The following PAXIP1 variants were observed in gnomAD, a reference collection of about 807,000 sequenced individuals.
PAXIP1 encodes the protein PAX-interacting protein 1.
In PAXIP1, 19 loss-of-function variants were observed where a neutral mutation model predicts 140.6. The ratio of observed to expected loss-of-function variants is 0.14; its 90% CI spans 0.09 to 0.20. PAXIP1 has a LOEUF of 0.20. Among genes scored for constraint, PAXIP1 ranks in the 10% least tolerant of loss-of-function variants. PAXIP1 has a pLI of 1.00. For synonymous variants in PAXIP1, 442 were observed against 444.6 expected (o/e 0.99, Z 0.07); for missense variants, 920 against 1,208.6 (o/e 0.76, Z 3.54).
rs374985483 is a variant in PAXIP1, at chr7:154,995,073, C to T, written c.217-1304G>A. Among the ~76,000 whole-genome samples, 14 of 152,340 alleles carry T rather than the reference C, an allele frequency of 9.2e-5. No individual in the cohort carries two copies. In the East Asian group the frequency reaches 1.9e-3, roughly 21 times the overall value. ...CAGCAACACCCAGAAACCCCTCTCT[C>T]CTCATGATGCCATGACTGAGCACTA... is the stretch of plus-strand genomic sequence containing the variant. On this transcript the variant is annotated intron_variant, in intron 2 of 20. Transcript: ENST00000404141.
rs757258748 is a variant in PAXIP1 at position 154,975,808 on chromosome 7, C to T, written c.962G>A (p.Ser321Asn). The T allele has an allele frequency of 5.1e-5, 82 of 1,613,858 alleles. No individual in the cohort carries two copies. Among genetic ancestry groups the T allele is most frequent in the Non-Finnish European group, 6.9e-5 (81 of 1,179,792 alleles). The change falls in exon 6 of 21, where the codon AGT becomes AAT. Residue 321 changes from serine to asparagine, a missense_variant. By Grantham distance (46) the Ser-to-Asn change is conservative. Transcript: ENST00000404141. ...AGCTATCATTTCTGATCTTTCAGAA[C>T]TTTGGAGGTTTTGTCCAGCAGCCAT... Reference protein sequence around the residue: ...NLMAAGQNLQSSERSEMIATW... With the variant: ...NLMAAGQNLQNSERSEMIATW...
chr7:154,948,623 C>T (rs960368353), intron 16 of PAXIP1: 1 of 150,936 alleles, frequency 6.6e-6, no homozygotes. Context: ...AAAATATGAA[C>T]CCTCTTCCCA....
At chr7:154,997,031 AGAAG>A (rs1172017899) in intron 2 of PAXIP1, among the ~76,000 whole-genome samples, 1 of 152,138 alleles carries the variant, frequency 6.6e-6, no homozygotes, top group Non-Finnish European at 1.5e-5. Flanking sequence ...TGTAGGAAGG[AGAAG>A]GAAGAGACAG....
In PAXIP1 at chr7:154,956,867, T is replaced by C. The variant is rs574706412; in HGVS notation, c.2549+357A>G. 3.8e-4 allele frequency: 67 copies of C among 178,588 alleles called. No homozygotes were observed. Among genetic ancestry groups the C allele is most frequent in the South Asian group, 3.2e-3 (23 of 7,296 alleles). The allele number at this position is 178,588 out of a possible 1,614,324, so 11.1% of individuals were successfully genotyped here. On this transcript the variant is annotated intron_variant, in intron 14 of 20. Transcript: ENST00000404141. The surrounding 1 kb of genome is among the most constrained non-coding windows in gnomAD (Gnocchi z 4.2). The stretch of plus-strand genomic sequence containing the variant: ...CGGCAGCCTACACGCTCTCTTGGCA[T>C]GTACAGCAGGTTCTTCAGCCGTGCC...
intron 4 of PAXIP1, among the ~76,000 whole-genome samples, chr7:154,985,763 T>C (rs1416871747): frequency 2.0e-5 from 3 of 152,242 alleles, no homozygotes; most frequent in African/African-American, 7.2e-5. Context: ...TCCTTGATTC[T>C]AGCTTACAGG....
At chr7:154,966,041 G>C (rs572662899) in intron 8 of PAXIP1, among the ~76,000 whole-genome samples, 1 of 152,122 alleles carries the variant, frequency 6.6e-6, no homozygotes, top group Non-Finnish European at 1.5e-5. Flanking sequence ...CAATCTCTGA[G>C]TCAAATGCCT....
Position 154,960,893 on chromosome 7 carries a change from C to A in PAXIP1, c.2434G>T (p.Asp812Tyr). The A allele has an allele frequency of 6.4e-7, 1 of 1,561,288 alleles. No homozygotes were observed. Among genetic ancestry groups the A allele is most frequent in the Non-Finnish European group, 8.7e-7 (1 of 1,155,080 alleles). The change falls in exon 12 of 21, where the codon GAT becomes TAT. Residue 812 changes from aspartate (D) to tyrosine (Y), a missense_variant and splice_region_variant. This residue lies in a region of PAXIP1 where 303 missense variants were observed against 517.9 expected (regional missense o/e 0.59). Coordinates refer to ENST00000404141, the MANE Select transcript of PAXIP1 (RefSeq NM_007349.4). ...TTGCAGCATGTAGAATTTCACTTACCTAAAAGATTTAAAACTAAATGCTGG... is the reference window on the plus strand; with the variant it reads ...TTGCAGCATGTAGAATTTCACTTACATAAAAGATTTAAAACTAAATGCTGG... Reference protein sequence around the residue: ...PTQHLVLNLLDAWRVPLKVSA... With the variant: ...PTQHLVLNLLYAWRVPLKVSA...
Position 154,976,461 on chromosome 7 carries a change from T to G in PAXIP1, c.439-130A>C, listed in dbSNP as rs189272818. The G allele has an allele frequency of 1.0e-4, 130 of 1,267,688 alleles. No individual in the cohort carries two copies. In the African/African-American group the frequency reaches 1.7e-3, roughly 17 times the overall value. 78.5% of individuals were successfully genotyped at this position (1,267,688 alleles called of 1,614,324 possible). ...TGTTGAGCAACTATTATTACAATTT[T>G]ATACAGAAGCAACGTTTGATCTTTT... On this transcript the variant is annotated intron_variant, in intron 5 of 20. Transcript: ENST00000404141.
intron 5 of PAXIP1, 112 bp from the exon 6 acceptor site, chr7:154,976,443 C>G: frequency 7.1e-7 from 1 of 1,399,402 alleles, no homozygotes; most frequent in African/African-American, 1.4e-5. Context: ...AAATGTTGAG[C>G]AACTATTATT....
chr7:154,985,473 T>C (rs1253588852), intron 4 of PAXIP1, among the ~76,000 whole-genome samples: 1 of 152,156 alleles, frequency 6.6e-6, no homozygotes, highest in African/African-American at 2.4e-5. Flanking sequence ...TCTGCTTTCC[T>C]GTGCCCCGCT....
At position 154,956,866 on chromosome 7, in the gene PAXIP1, A is replaced by G. The variant is rs1165605277; in HGVS notation, c.2549+358T>C. On this transcript the variant is annotated intron_variant, in intron 14 of 20. Transcript: ENST00000404141. This position sits in a 1 kb window ranked among gnomAD's most constrained non-coding sequence, Gnocchi z 4.2. ...TCGGCAGCCTACACGCTCTCTTGGC[A>G]TGTACAGCAGGTTCTTCAGCCGTGC... is the stretch of plus-strand genomic sequence containing the variant. 5.6e-6 allele frequency: 1 copy of G among 178,472 alleles called. No individual in the cohort carries two copies. Among genetic ancestry groups the G allele is most frequent in the Non-Finnish European group, 1.2e-5 (1 of 85,624 alleles). 11.1% of individuals were successfully genotyped at this position (178,472 alleles called of 1,614,324 possible).
chr7:154,970,659 T>C (rs1006017475), intron 6 of PAXIP1, among the ~76,000 whole-genome samples: 5 of 152,140 alleles, frequency 3.3e-5, no homozygotes, highest in Non-Finnish European at 7.4e-5. Context: ...CCCAGCAGCA[T>C]TTGGTGCTGT....
intron 20 of PAXIP1, chr7:154,945,764 T>C (rs1311499748): frequency 1.0e-6 from 1 of 985,102 alleles, no homozygotes; most frequent in Admixed American, 6.1e-5. Flanking sequence ...ACTGATAGGC[T>C]GTTCCTACAT....
intron 5 of PAXIP1, among the ~76,000 whole-genome samples, chr7:154,979,996 T>G (rs1158965373): frequency 6.6e-6 from 1 of 152,160 alleles, no homozygotes; most frequent in East Asian, 1.9e-4. Context: ...CTCCCCGAAA[T>G]TTTGGAAATT....
chr7:154,944,107 CCCGCA>C lies in PAXIP1; in HGVS notation c.*37_*41del, dbSNP rs1563355888. The C allele has an allele frequency of 5.0e-6, 8 of 1,608,630 alleles. No individual in the cohort carries two copies. Among genetic ancestry groups the C allele is most frequent in the Admixed American group, 1.7e-5 (1 of 59,776 alleles). ...GCTCCTCGCCAGCCAGACAGCCAGCCCCGCACCGCAGGAGTCGACATGCACGGCAG... is the reference window on the plus strand; with the variant it reads ...GCTCCTCGCCAGCCAGACAGCCAGCCCCGCAGGAGTCGACATGCACGGCAG... On this transcript the variant is annotated 3_prime_UTR_variant, in exon 21 of 21. Transcript: ENST00000404141.
At chr7:154,960,831 G>A in intron 12 of PAXIP1, 62 bp downstream of exon 12, 1 of 1,189,686 alleles carries the variant, frequency 8.4e-7, no homozygotes, top group Non-Finnish European at 1.2e-6. Flanking sequence ...ATAAAAAGAT[G>A]GTAGAAGTAA....
In PAXIP1 at chr7:154,947,878, G is replaced by A. The variant is rs1302676978; in HGVS notation, c.2922+25C>T. On this transcript the variant is annotated intron_variant, in intron 17 of 20. Transcript: ENST00000404141. Reference sequence around the variant, plus strand: ...TCCGTGTGTTATGCTTACTTGGACTGATTTACTTTTCCCTTAAAGTGTACC... The same window carrying A: ...TCCGTGTGTTATGCTTACTTGGACTAATTTACTTTTCCCTTAAAGTGTACC... The A allele has an allele frequency of 2.0e-6, 3 of 1,498,168 alleles. No individual in the cohort carries two copies. In the South Asian group the frequency reaches 3.4e-5, roughly 17 times the overall value. 92.8% of individuals were successfully genotyped at this position (1,498,168 alleles called of 1,614,324 possible).
intron 14 of PAXIP1, 98 bp from the exon 15 acceptor site, chr7:154,955,729 TTAACTGCATGTG>T (rs1808476571): frequency 3.3e-6 from 2 of 607,462 alleles, no homozygotes; most frequent in Non-Finnish European, 2.8e-6. Flanking sequence ...TTAACAAGCT[TTAACTGCATGTG>T]GTTTTTATTC....
rs1807808204 is a variant in PAXIP1 at position 154,943,999 on chromosome 7, TTATTA to T, written c.*145_*149del. 1.4e-6 allele frequency: 1 copy of T among 726,284 alleles called. No individual in the cohort carries two copies. The highest frequency in any genetic ancestry group is 2.5e-6 in the Non-Finnish European group (1 of 397,878). 45.0% of individuals were successfully genotyped at this position (726,284 alleles called of 1,614,324 possible). On this transcript the variant is annotated 3_prime_UTR_variant, in exon 21 of 21. Coordinates refer to ENST00000404141, the MANE Select transcript of PAXIP1 (RefSeq NM_007349.4). ...CACATCTTAAAAAGATGCAGTATAT[TTATTA>T]TATCTGTCTTCCTGCTTCACAGTCT...
Sources: allele counts gnomAD v4.1 joint callset (sites outside exome capture counted in the v4.1 genomes callset), GRCh38; gene constraint gnomAD v4.1.1; regional missense constraint gnomAD v4.1.1; non-coding constraint Gnocchi (gnomAD v3.1); transcripts MANE v1.5; gene names NCBI Gene and HGNC (gene_info 2026-07-23, HGNC 2026-07-21).